Variants in RASSF3 observed in about 807,000 individuals in gnomAD.
The protein encoded by RASSF3 is ras association domain-containing protein 3.
In RASSF3, 19 loss-of-function variants were observed where a neutral mutation model predicts 19.9. That is an observed-to-expected ratio of 0.96 (90% CI 0.67 to 1.40). The LOEUF (loss-of-function observed/expected upper bound fraction) is 1.40. Ranked by LOEUF, RASSF3 falls within the 40% of genes most tolerant of loss-of-function variation. The pLI is 0.00. For missense variants in RASSF3, 306 were observed against 289.8 expected (o/e 1.06, Z -0.41); for synonymous variants, 110 against 104.2 (o/e 1.06, Z -0.34).
chr12:64,652,374 C>T (rs764971779), intron 1 of RASSF3, among the ~76,000 whole-genome samples: 1 of 151,802 alleles, frequency 6.6e-6, no homozygotes, highest in South Asian at 2.1e-4. Flanking sequence ...TTTTTAAACA[C>T]GTCTGAGGAC....
At chr12:64,655,311 G>A (rs996239736) in intron 1 of RASSF3, among the ~76,000 whole-genome samples, 2 of 152,118 alleles carry the variant, frequency 1.3e-5, no homozygotes, top group African/African-American at 2.4e-5. Context: ...TACACATAAC[G>A]AAGTGTTGTG....
intron 1 of RASSF3, among the ~76,000 whole-genome samples, chr12:64,641,414 ACGCG>A (rs138010191): frequency 6.3e-5 from 9 of 142,100 alleles, no homozygotes; most frequent in African/African-American, 8.4e-5. Context: ...ACACACACAC[ACGCG>A]CGCGCGCGCG....
At chr12:64,688,488 C>A in intron 3 of RASSF3, 35 bp downstream of exon 3, 2 of 1,429,936 alleles carry the variant, frequency 1.4e-6, no homozygotes, top group Non-Finnish European at 2.0e-6. Context: ...ATGGTCTGTG[C>A]TTCTACTTGC....
At chr12:64,613,841 G>C (rs369193462) in intron 1 of RASSF3, among the ~76,000 whole-genome samples, 2 of 152,000 alleles carry the variant, frequency 1.3e-5, no homozygotes, top group Non-Finnish European at 2.9e-5. Context: ...CCAGCTACTC[G>C]GGAGACTGAG....
At chr12:64,677,054 C>T (rs1197211319) in intron 1 of RASSF3, among the ~76,000 whole-genome samples, 1 of 152,132 alleles carries the variant, frequency 6.6e-6, no homozygotes, top group East Asian at 1.9e-4. Context: ...AGGAATGAGC[C>T]ACTGTGCCTG....
At chr12:64,633,915 C>G (rs1871245582) in intron 1 of RASSF3, among the ~76,000 whole-genome samples, 1 of 152,160 alleles carries the variant, frequency 6.6e-6, no homozygotes, top group African/African-American at 2.4e-5. Flanking sequence ...GGGAGGATTG[C>G]TTGAGCTCAG....
chr12:64,550,092 G>A (rs1161743553), intron 2 of RASSF3, among the ~76,000 whole-genome samples: 3 of 151,972 alleles, frequency 2.0e-5, no homozygotes, highest in Non-Finnish European at 4.4e-5. Flanking sequence ...TAGTCTCAGC[G>A]CCCCCCACCC....
chr12:64,537,943 T>A (rs926406609), intron 1 of RASSF3, among the ~76,000 whole-genome samples: 1 of 151,976 alleles, frequency 6.6e-6, no homozygotes, highest in African/African-American at 2.4e-5. Context: ...CATCCTCACA[T>A]GGCCTCCTCT....
intron 2 of RASSF3, among the ~76,000 whole-genome samples, chr12:64,579,871 G>C (rs976066716): frequency 6.7e-6 from 1 of 148,892 alleles, no homozygotes; most frequent in African/African-American, 2.5e-5. Context: ...GTGGAATGCA[G>C]TGGCGCAATC....
chr12:64,663,150 ATCTC>A (rs1251340134), intron 1 of RASSF3, among the ~76,000 whole-genome samples: 1 of 152,158 alleles, frequency 6.6e-6, no homozygotes, highest in Non-Finnish European at 1.5e-5. Context: ...CATAATGTTG[ATCTC>A]TCTCTACCCC....
rs762822586 is a variant in RASSF3 at position 64,689,791 on chromosome 12, C to CTTTTTTTTTTTTTTTTTTT, written c.457+1351_457+1352insTTTTTTTTTTTTTTTTTTT. On this transcript the variant is annotated intron_variant, in intron 3 of 4. Transcript: ENST00000542104. ...GTTTGTAGCTGCTAATTCGCTAATTCTTTTTTTTTTTTTGAGACGGAGTCT... is the reference window on the plus strand; with the variant it reads ...GTTTGTAGCTGCTAATTCGCTAATTCTTTTTTTTTTTTTTTTTTTTTTTTTTTTTTTTGAGACGGAGTCT... Among the ~76,000 whole-genome samples the CTTTTTTTTTTTTTTTTTTT allele has an allele frequency of 3.7e-3, 353 of 96,510 alleles. 58 individuals are homozygous for CTTTTTTTTTTTTTTTTTTT. The highest frequency in any genetic ancestry group is 5.1e-3 in the Non-Finnish European group (252 of 49,900). 63.3% of individuals were successfully genotyped at this position (96,510 alleles called of 152,430 possible). A position where few individuals can be genotyped will look rare whatever the true frequency, so the allele number is the denominator to read the frequency against.
intron 2 of RASSF3, among the ~76,000 whole-genome samples, chr12:64,550,820 C>CAAAAAAAAAAAA (rs59308298): frequency 1.4e-4 from 11 of 75,908 alleles, no homozygotes; most frequent in African/African-American, 4.4e-4. Flanking sequence ...GACTCCATCT[C>CAAAAAAAAAAAA]AAAAAAAAAA....
chr12:64,635,878 A>G (rs1255242312), intron 1 of RASSF3, among the ~76,000 whole-genome samples: 1 of 152,206 alleles, frequency 6.6e-6, no homozygotes, highest in Non-Finnish European at 1.5e-5. Flanking sequence ...GAAGTCAAAT[A>G]GTAGAAGGTG....
chr12:64,659,263 G>A (rs1872260668), intron 1 of RASSF3, among the ~76,000 whole-genome samples: 1 of 152,128 alleles, frequency 6.6e-6, no homozygotes, highest in African/African-American at 2.4e-5. Flanking sequence ...GGTGAAGTGT[G>A]GGGATAAGGA....
chr12:64,617,776 C>T (rs1208719543), intron 1 of RASSF3, among the ~76,000 whole-genome samples: 2 of 152,110 alleles, frequency 1.3e-5, no homozygotes, highest in African/African-American at 4.8e-5. Context: ...CCAGGCTGGT[C>T]TTGAACTCCT....
At chr12:64,534,476 CAG>C in intron 1 of RASSF3, among the ~76,000 whole-genome samples, 1 of 152,208 alleles carries the variant, frequency 6.6e-6, no homozygotes, top group East Asian at 1.9e-4. Flanking sequence ...GCCTGGGTAA[CAG>C]AGTGAGATAC....
At chr12:64,593,975 G>A (rs1869961156) in intron 2 of RASSF3, among the ~76,000 whole-genome samples, 1 of 128,432 alleles carries the variant, frequency 7.8e-6, no homozygotes, top group Non-Finnish European at 1.5e-5. Flanking sequence ...TCACACTACA[G>A]CACTCCAGCC....
chr12:64,679,980 G>A (rs920185165), intron 1 of RASSF3, among the ~76,000 whole-genome samples: 1 of 152,110 alleles, frequency 6.6e-6, no homozygotes, highest in Non-Finnish European at 1.5e-5. Flanking sequence ...GTTGACACTT[G>A]GTATTGTATC....
At chr12:64,618,921 A>G (rs561482989) in intron 1 of RASSF3, among the ~76,000 whole-genome samples, 81 of 152,250 alleles carry the variant, frequency 5.3e-4, no homozygotes, top group African/African-American at 1.9e-3. Context: ...AACTTAAAGT[A>G]TAATAATAAA....
Sources: gnomAD v4.1 joint callset for allele counts (sites outside exome capture counted in the v4.1 genomes callset) on GRCh38, gnomAD v4.1.1 for gene constraint, MANE v1.5 for transcripts, NCBI Gene and HGNC (gene_info 2026-07-23, HGNC 2026-07-21) for gene names.